SREBF2: variants seen among roughly 807,000 people sequenced by gnomAD.
The protein encoded by SREBF2 is sterol regulatory element binding transcription factor 2.
In SREBF2, 55 loss-of-function variants were observed where a neutral mutation model predicts 113.1. That is an observed-to-expected ratio of 0.49 (90% CI 0.39 to 0.61). SREBF2 has a LOEUF of 0.61. Among genes scored for constraint, SREBF2 ranks in the 20% least tolerant of loss-of-function variants. The pLI, the probability that SREBF2 is intolerant of heterozygous loss-of-function variation, is 0.00. For missense variants in SREBF2, 1,349 were observed against 1,487.4 expected, an observed-to-expected ratio of 0.91 and a Z score of 1.53; for synonymous variants, 593 against 605.7, an observed-to-expected ratio of 0.98 and a Z score of 0.31.
chr22:41,851,587 G>C (rs1431869706), intron 1 of SREBF2, among the ~76,000 whole-genome samples: 1 of 151,920 alleles, frequency 6.6e-6, no homozygotes, highest in Non-Finnish European at 1.5e-5. Context: ...TCCACCTCCC[G>C]GGTTCAAGCG....
chr22:41,895,567 C>T (rs2077407816), intron 13 of SREBF2, among the ~76,000 whole-genome samples: 1 of 151,406 alleles, frequency 6.6e-6, no homozygotes, highest in African/African-American at 2.4e-5. Context: ...TCCCAAGTAG[C>T]TGGGATTACA....
intron 13 of SREBF2, among the ~76,000 whole-genome samples, chr22:41,895,607 T>A (rs551484753): frequency 6.6e-6 from 1 of 151,590 alleles, no homozygotes; most frequent in African/African-American, 2.4e-5. Flanking sequence ...GGCTAATTTT[T>A]GTACTTTTAG....
At chr22:41,864,259 T>TACAC (rs1388382956) in intron 1 of SREBF2, among the ~76,000 whole-genome samples, 19 of 65,226 alleles carry the variant, frequency 2.9e-4, no homozygotes, top group East Asian at 6.7e-4. Context: ...TATATATATA[T>TACAC]ATACACACAC....
chr22:41,876,899 T>C (rs888019506), intron 7 of SREBF2, among the ~76,000 whole-genome samples: 3 of 152,228 alleles, frequency 2.0e-5, no homozygotes, highest in African/African-American at 7.2e-5. Flanking sequence ...CCTGTTACTT[T>C]AGATTCATTT....
Position 41,851,406 on chromosome 22 carries a change from G to A in SREBF2, c.89-15425G>A, listed in dbSNP as rs565907282. ...TCGGCATGGTCTGGGCTGCTTGGGA[G>A]CCTGAGGCAGGAGGATCACTTGAGT... On this transcript the variant is annotated intron_variant, in intron 1 of 18. Coordinates refer to ENST00000361204, the MANE Select transcript of SREBF2 (RefSeq NM_004599.4). 1.4e-4 allele frequency among the ~76,000 whole-genome samples: 21 copies of A among 151,948 alleles called. No individual in the cohort carries two copies. In the South Asian group the frequency reaches 4.2e-3, roughly 30 times the overall value.
chr22:41,891,273 G>C (rs1190959491), intron 11 of SREBF2: 1 of 152,204 alleles, frequency 6.6e-6, no homozygotes, highest in African/African-American at 2.4e-5. Context: ...TTCAGTGAGT[G>C]CTTTGTGGAA....
Position 41,897,047 on chromosome 22 carries a change from C to T in SREBF2, c.2496-5C>T. ...TGTACATGGGACCCTTTCTTTTCTT[C>T]CTAGTGAATTCTCCAGTGCTCTGGA... On this transcript the variant is annotated splice_polypyrimidine_tract_variant and splice_region_variant and intron_variant, in intron 13 of 18. Coordinates refer to ENST00000361204, the MANE Select transcript of SREBF2 (RefSeq NM_004599.4). 6.2e-7 allele frequency: 1 copy of T among 1,604,968 alleles called. No individual in the cohort carries two copies. Among genetic ancestry groups the T allele is most frequent in the Non-Finnish European group, 8.5e-7 (1 of 1,172,966 alleles).
At chr22:41,856,886 C>T (rs931964115) in intron 1 of SREBF2, among the ~76,000 whole-genome samples, 1 of 151,810 alleles carries the variant, frequency 6.6e-6, no homozygotes, top group African/African-American at 2.4e-5. Flanking sequence ...ACCAGCCTGG[C>T]CAACACGAAG....
chr22:41,859,502 A>C (rs1489708395), intron 1 of SREBF2, among the ~76,000 whole-genome samples: 2 of 152,244 alleles, frequency 1.3e-5, no homozygotes, highest in Non-Finnish European at 2.9e-5. Flanking sequence ...TCTCATGCAT[A>C]AGCAAATGCA....
Position 41,877,222 on chromosome 22 carries a change from T to C in SREBF2, c.1387-7T>C. 6.2e-7 allele frequency: 1 copy of C among 1,614,212 alleles called. No individual in the cohort carries two copies. The highest frequency in any genetic ancestry group is 8.5e-7 in the Non-Finnish European group (1 of 1,180,034). On this transcript the variant is annotated splice_region_variant and splice_polypyrimidine_tract_variant and intron_variant, in intron 7 of 18. Coordinates refer to ENST00000361204, the MANE Select transcript of SREBF2 (RefSeq NM_004599.4). Reference sequence around the variant, plus strand: ...ATTTATTCCAACCTCGAGGCCTTGTTTTGAAGGTCAAAGATGAGCCAGACT... The same window carrying C: ...ATTTATTCCAACCTCGAGGCCTTGTCTTGAAGGTCAAAGATGAGCCAGACT...
chr22:41,887,596 C>G (rs1164375284), intron 11 of SREBF2, among the ~76,000 whole-genome samples: 1 of 152,094 alleles, frequency 6.6e-6, no homozygotes, highest in Admixed American at 6.5e-5. Context: ...TTATAGTGTT[C>G]CATTGTATGA....
chr22:41,894,895 C>G lies in SREBF2; in HGVS notation c.2453C>G (p.Pro818Arg). The G allele has an allele frequency of 6.2e-7, 1 of 1,614,092 alleles. No individual in the cohort carries two copies. The highest frequency in any genetic ancestry group is 1.1e-5 in the South Asian group (1 of 91,086). The change falls in exon 13 of 19, where the codon CCT becomes CGT. Residue 818 changes from proline to arginine, a missense_variant. Physicochemically the swap from Pro to Arg is moderately radical, Grantham distance 103. This residue lies in a region of SREBF2 where 650 missense variants were observed against 644.1 expected (regional missense o/e 1.01). Coordinates refer to ENST00000361204, the MANE Select transcript of SREBF2 (RefSeq NM_004599.4). ...LERAIESLVK[P>R]QAKKKAGDQE... ...CGAGCTATAGAGTCCTTGGTGAAAC[C>G]TCAGGCCAAGAAGAAGGCTGGAGAC...
chr22:41,905,630 G>C lies in SREBF2; in HGVS notation c.3396G>C (p.Leu1132=), dbSNP rs1228021045. 5 of 1,594,592 alleles carry C rather than the reference G, an allele frequency of 3.1e-6. No homozygotes were observed. The highest frequency in any genetic ancestry group is 4.3e-6 in the Non-Finnish European group (5 of 1,171,574). The change falls in exon 19 of 19, where the codon CTG becomes CTC. Residue 1132 remains leucine (L), a synonymous_variant. Coordinates refer to ENST00000361204, the MANE Select transcript of SREBF2 (RefSeq NM_004599.4). Reference sequence around the variant, plus strand: ...ACTGCCAGCAGATGATTGTTAAGCTGGGTGGTGGCACTGCCATTGCCGCCT... The same window carrying C: ...ACTGCCAGCAGATGATTGTTAAGCTCGGTGGTGGCACTGCCATTGCCGCCT... ...CNDCQQMIVK[L]GGGTAIAAS is the part of the protein sequence containing the mutation.
chr22:41,897,125 C>G lies in SREBF2; in HGVS notation c.2569C>G (p.Pro857Ala). The change falls in exon 14 of 19, where the codon CCA becomes GCA. Residue 857 changes from proline to alanine, a missense_variant. Coordinates refer to ENST00000361204, the MANE Select transcript of SREBF2 (RefSeq NM_004599.4). ...GGACTCTGTGGGGGTTATGAGCCCC[C>G]CACTCTCCAGGAGCTCCGTGCTCAA... Reference protein sequence around the residue: ...FVDSVGVMSPPLSRSSVLKSA... With the variant: ...FVDSVGVMSPALSRSSVLKSA... The G allele has an allele frequency of 1.1e-5, 17 of 1,612,204 alleles. No individual in the cohort carries two copies. Among genetic ancestry groups the G allele is most frequent in the Non-Finnish European group, 1.4e-5 (17 of 1,179,838 alleles).
Position 41,833,489 on chromosome 22 carries a change from C to A in SREBF2, c.88+131C>A. On this transcript the variant is annotated intron_variant, in intron 1 of 18. Coordinates refer to ENST00000361204, the MANE Select transcript of SREBF2 (RefSeq NM_004599.4). The surrounding 1 kb of genome is among the most constrained non-coding windows in gnomAD (Gnocchi z 4.1). ...CGGGAAGAACCCCGTGCGCACGGTG[C>A]CCCCGGCGGTCCTCAACCCTTCCGG... 2.8e-6 allele frequency: 2 copies of A among 716,462 alleles called. No individual in the cohort carries two copies. Among genetic ancestry groups the A allele is most frequent in the Non-Finnish European group, 4.4e-6 (2 of 459,064 alleles). The allele number at this position is 716,462 out of a possible 1,614,324, so 44.4% of individuals were successfully genotyped here.
chr22:41,892,019 A>G (rs1440421840), intron 11 of SREBF2, among the ~76,000 whole-genome samples: 1 of 152,150 alleles, frequency 6.6e-6, no homozygotes, highest in Admixed American at 6.5e-5. Flanking sequence ...TTGTCCCACA[A>G]AGAGGCTTTC....
chr22:41,864,256 A>ATG lies in SREBF2; in HGVS notation c.89-2574_89-2573insGT, dbSNP rs1186963429. Among the ~76,000 whole-genome samples, 3 of 82,616 alleles carry ATG rather than the reference A, an allele frequency of 3.6e-5. 1 individual carries two copies. The highest frequency in any genetic ancestry group is 5.4e-4 in the East Asian group (2 of 3,712). The allele number at this position is 82,616 out of a possible 152,430, so 54.2% of individuals were successfully genotyped here. A position where few individuals can be genotyped will look rare whatever the true frequency, so the allele number is the denominator to read the frequency against. ...TATATATATATATATATATATATAT[A>ATG]TATATACACACACACACACACACAC... On this transcript the variant is annotated intron_variant, in intron 1 of 18. Transcript: ENST00000361204.
chr22:41,857,712 ACT>A (rs2076990494), intron 1 of SREBF2, among the ~76,000 whole-genome samples: 1 of 151,932 alleles, frequency 6.6e-6, no homozygotes, highest in Non-Finnish European at 1.5e-5. Flanking sequence ...CCTCCTCCAG[ACT>A]CTTCGCAGGA....
chr22:41,850,062 C>T (rs1003489202), intron 1 of SREBF2, among the ~76,000 whole-genome samples: 2 of 151,554 alleles, frequency 1.3e-5, no homozygotes, highest in African/African-American at 4.9e-5. Flanking sequence ...ATCGCTTTAA[C>T]CTGGGAGGCG....
Sources: gnomAD v4.1 joint callset for allele counts (sites outside exome capture counted in the v4.1 genomes callset) on GRCh38, gnomAD v4.1.1 for gene constraint, gnomAD v4.1.1 regional missense constraint, Gnocchi (gnomAD v3.1) non-coding constraint, MANE v1.5 for transcripts, NCBI Gene and HGNC (gene_info 2026-07-23, HGNC 2026-07-21) for gene names.